ROBO2: variants seen among roughly 807,000 people sequenced by gnomAD.
The protein encoded by ROBO2 is roundabout guidance receptor 2.
In ROBO2, 53 loss-of-function variants were observed where a neutral mutation model predicts 160.8. The observed-to-expected ratio is 0.33, with a 90% CI of 0.26 to 0.41. The LOEUF (loss-of-function observed/expected upper bound fraction) is 0.41. Among genes scored for constraint, ROBO2 ranks in the 10% least tolerant of loss-of-function variants. The pLI is 1.00. For synonymous variants in ROBO2, 664 were observed against 611.7 expected, an observed-to-expected ratio of 1.09 and a Z score of -1.26; for missense variants, 1,577 against 1,722.4, an observed-to-expected ratio of 0.92 and a Z score of 1.49.
chr3:76,821,334 T>C (rs1187370553), intron 2 of ROBO2, among the ~76,000 whole-genome samples: 1 of 152,004 alleles, frequency 6.6e-6, no homozygotes, highest in Non-Finnish European at 1.5e-5. Context: ...AGTTCAACAA[T>C]GTAAATATTA....
At chr3:76,990,108 TA>T (rs2060586773) in intron 2 of ROBO2, among the ~76,000 whole-genome samples, 1 of 152,126 alleles carries the variant, frequency 6.6e-6, no homozygotes, top group Non-Finnish European at 1.5e-5. Context: ...TCTATTCTTT[TA>T]AAAATTAAAA....
At chr3:76,352,675 A>G (rs2074948780) in intron 2 of ROBO2, among the ~76,000 whole-genome samples, 1 of 151,970 alleles carries the variant, frequency 6.6e-6, no homozygotes. Flanking sequence ...ATGATTGATG[A>G]AGCGGCCTTT....
At chr3:76,210,401 G>A (rs1245834401) in intron 2 of ROBO2, among the ~76,000 whole-genome samples, 1 of 152,002 alleles carries the variant, frequency 6.6e-6, no homozygotes, top group African/African-American at 2.4e-5. Context: ...TAAAATTATT[G>A]AGCCATAATT....
At chr3:77,227,073 A>G (rs2086587907) in intron 2 of ROBO2, among the ~76,000 whole-genome samples, 1 of 152,148 alleles carries the variant, frequency 6.6e-6, no homozygotes, top group Admixed American at 6.5e-5. Flanking sequence ...AGCATTTTTT[A>G]ATGAAAAGAA....
chr3:75,936,895 A>C (rs990010365), intron 1 of ROBO2, among the ~76,000 whole-genome samples: 3 of 152,040 alleles, frequency 2.0e-5, no homozygotes, highest in African/African-American at 7.2e-5. Context: ...TCAAAATTAC[A>C]AGTGTTTTGT....
chr3:76,633,937 C>G (rs925174319), intron 2 of ROBO2, among the ~76,000 whole-genome samples: 72 of 152,282 alleles, frequency 4.7e-4, no homozygotes, highest in African/African-American at 1.7e-3. Flanking sequence ...CACTGGTTGC[C>G]TACAATTGAT....
At chr3:76,444,265 A>G (rs1050046958) in intron 2 of ROBO2, among the ~76,000 whole-genome samples, 1 of 152,194 alleles carries the variant, frequency 6.6e-6, no homozygotes, top group African/African-American at 2.4e-5. Context: ...GGCGTGAGGC[A>G]CTGCGCCTGT....
chr3:76,768,914 A>G (rs1410455345), intron 2 of ROBO2, among the ~76,000 whole-genome samples: 2 of 151,516 alleles, frequency 1.3e-5, no homozygotes, highest in Middle Eastern at 3.4e-3. Context: ...ATGTCCCTTT[A>G]TATACTTGAA....
rs566909002 is a variant in ROBO2, at chr3:76,889,030, G to A, written c.110-208984G>A. On this transcript the variant is annotated intron_variant, in intron 2 of 26. Transcript: ENST00000487694. The stretch of plus-strand genomic sequence containing the variant: ...CATTTTTATTCATTCTTCACACGAT[G>A]TACACACCACAGTGGCTCCTGTGTT... Among the ~76,000 whole-genome samples the A allele has an allele frequency of 3.3e-5, 5 of 152,284 alleles. No individual in the cohort carries two copies. The South Asian group carries it at 1.0e-3, about 32-fold the overall frequency.
At chr3:76,191,877 T>C (rs569286053) in intron 2 of ROBO2, among the ~76,000 whole-genome samples, 1 of 152,182 alleles carries the variant, frequency 6.6e-6, no homozygotes, top group Non-Finnish European at 1.5e-5. Flanking sequence ...TGATAGTCTG[T>C]CATTCCAACT....
intron 2 of ROBO2, among the ~76,000 whole-genome samples, chr3:76,055,043 C>T (rs1014449538): frequency 6.6e-6 from 1 of 152,176 alleles, no homozygotes; most frequent in African/African-American, 2.4e-5. Context: ...ACTCACAGTT[C>T]TACATTGCTA....
chr3:76,839,676 A>G (rs976680498), intron 2 of ROBO2, among the ~76,000 whole-genome samples: 1 of 152,198 alleles, frequency 6.6e-6, no homozygotes. Context: ...TAACACTGGC[A>G]TTGTAGAATG....
rs556407337 is a variant in ROBO2, at chr3:76,923,447, G to A, written c.110-174567G>A. Among the ~76,000 whole-genome samples, 35 of 152,260 alleles carry A rather than the reference G, an allele frequency of 2.3e-4. No homozygotes were observed. The East Asian group carries it at 3.9e-3, about 17-fold the overall frequency. ...TGTAGCTAAAATGGCAGGTGGGTGC[G>A]AATGTGTATATGATTGTTATTAGCA... On this transcript the variant is annotated intron_variant, in intron 2 of 26. Coordinates refer to the ROBO2 transcript ENST00000487694.
At chr3:76,055,506 C>A (rs80296766) in intron 2 of ROBO2, among the ~76,000 whole-genome samples, 8 of 152,144 alleles carry the variant, frequency 5.3e-5, no homozygotes, top group Middle Eastern at 3.4e-3. Context: ...CGCCCTCCCC[C>A]CTTTTGGAGT....
chr3:77,292,947 G>A lies in ROBO2; in HGVS notation c.389-184467G>A, dbSNP rs1380059512. Among the ~76,000 whole-genome samples the A allele has an allele frequency of 1.4e-4, 21 of 151,302 alleles. No homozygotes were observed. In the East Asian group the frequency reaches 3.9e-3, roughly 28 times the overall value. ...ATAAAGTAAAATTGACGATTAAACG[G>A]TAAGCTGAGGCTAGATCACCAAAGA... On this transcript the variant is annotated intron_variant, in intron 2 of 25. Transcript: ENST00000461745.
chr3:77,634,923 G>A (rs1324185422), exon 24 of ROBO2: 16 of 1,613,928 alleles, frequency 9.9e-6, no homozygotes, highest in Non-Finnish European at 1.4e-5. Context: ...ATTTTCTACT[G>A]ACAGTAACAC....
intron 2 of ROBO2, among the ~76,000 whole-genome samples, chr3:76,897,578 A>G (rs894109929): frequency 6.6e-6 from 1 of 152,198 alleles, no homozygotes; most frequent in South Asian, 2.1e-4. Context: ...TACTAGGGAA[A>G]AAAAGTACCT....
rs1485782313 is a variant in ROBO2 at position 77,622,336 on chromosome 3, G to A, written c.3664G>A (p.Asp1222Asn). ...AACGGATGTTGCAGATGATGATGCC[G>A]ACGACGAAGAGGAAGCTTTAGAAAT... The change falls in exon 23 of 26, where the codon GAC becomes AAC. Residue 1222 changes from aspartate to asparagine, a missense_variant. Asp to Asn is a conservative substitution (Grantham distance 23, BLOSUM62 1). This residue lies in a region of ROBO2 where 637 missense variants were observed against 586.9 expected (regional missense o/e 1.09). Transcript: ENST00000461745. The A allele has an allele frequency of 8.7e-6, 14 of 1,613,974 alleles. No homozygotes were observed. The highest frequency in any genetic ancestry group is 1.6e-4 in the Middle Eastern group (1 of 6,084).
At chr3:75,950,912 C>G (rs1948510297) in intron 2 of ROBO2, among the ~76,000 whole-genome samples, 1 of 152,024 alleles carries the variant, frequency 6.6e-6, no homozygotes, top group Admixed American at 6.6e-5. Context: ...AACTGCAACC[C>G]TAAACTGAAA....
Sources: gnomAD v4.1 joint callset for allele counts (sites outside exome capture counted in the v4.1 genomes callset) on GRCh38, gnomAD v4.1.1 for gene constraint, gnomAD v4.1.1 regional missense constraint, MANE v1.5 for transcripts, NCBI Gene and HGNC (gene_info 2026-07-23, HGNC 2026-07-21) for gene names.